Variants in CLEC2A observed in about 807,000 individuals in gnomAD.
The protein encoded by CLEC2A is keratinocyte-associated C-type lectin.
Under a neutral mutation model 18.6 loss-of-function variants are expected in CLEC2A, and 19 were observed. The observed-to-expected ratio is 1.02, with a 90% CI of 0.71 to 1.50. The LOEUF is 1.50. CLEC2A is among the 40% of genes most tolerant of loss of function. The probability of loss-of-function intolerance (pLI) is 0.00; values close to 1 mark genes in which losing one functional copy is unlikely to be tolerated. For synonymous variants in CLEC2A, 74 were observed against 64.0 expected (o/e 1.16, Z -0.75); for missense variants, 190 against 207.9 (o/e 0.91, Z 0.53).
intron 1 of CLEC2A, among the ~76,000 whole-genome samples, chr12:9,930,740 T>TTC (rs1336731947): frequency 1.3e-5 from 2 of 152,024 alleles, no homozygotes; most frequent in East Asian, 1.9e-4. Flanking sequence ...TATTCTTTTT[T>TTC]TCTCTCTCTC....
Position 9,913,501 on chromosome 12 carries a change from C to A in CLEC2A, c.*65G>T. 1 of 1,502,394 alleles carries A rather than the reference C, an allele frequency of 6.7e-7. No individual in the cohort carries two copies. The highest frequency in any genetic ancestry group is 8.8e-7 in the Non-Finnish European group (1 of 1,131,592). 93.1% of individuals were successfully genotyped at this position (1,502,394 alleles called of 1,614,324 possible). ...TGTAACAGAATAAGTGAGAAAGCCA[C>A]TTTTGCATAATTAGCTCTTCTTTCA... On this transcript the variant is annotated 3_prime_UTR_variant, in exon 5 of 5. Coordinates refer to ENST00000455827, the MANE Select transcript of CLEC2A (RefSeq NM_001130711.2).
At chr12:9,878,842 C>T in the CLEC2A span, among the ~76,000 whole-genome samples, 1 of 152,128 alleles carries the variant, frequency 6.6e-6, no homozygotes, top group African/African-American at 2.4e-5. Flanking sequence ...CAGCCTCCTC[C>T]AGGCTTTGAT....
chr12:9,892,940 A>T, the CLEC2A span: 19 of 1,174,794 alleles, frequency 1.6e-5, no homozygotes, highest in Non-Finnish European at 2.2e-5. Context: ...TCTATTTTCC[A>T]AGTAGTCACA....
intron 4 of CLEC2A, chr12:9,899,020 T>C (rs1174478891): frequency 2.9e-6 from 2 of 698,424 alleles, no homozygotes; most frequent in Non-Finnish European, 2.6e-6. Flanking sequence ...AAAACATATA[T>C]CAAAACGAAA....
intron 1 of CLEC2A, among the ~76,000 whole-genome samples, chr12:9,931,391 A>G (rs1863373044): frequency 6.6e-6 from 1 of 152,198 alleles, no homozygotes; most frequent in African/African-American, 2.4e-5. Flanking sequence ...CCTTACCCTA[A>G]AGAAACTTCT....
At chr12:9,887,586 C>T in the CLEC2A span, among the ~76,000 whole-genome samples, 1 of 151,932 alleles carries the variant, frequency 6.6e-6, no homozygotes. Flanking sequence ...TGAAGCTAGC[C>T]CAAGAATATA....
Position 9,922,342 on chromosome 12 carries a change from T to A in CLEC2A, c.140-110A>T. On this transcript the variant is annotated intron_variant, in intron 2 of 4. Coordinates refer to ENST00000455827, the MANE Select transcript of CLEC2A (RefSeq NM_001130711.2). ...GCTTCCACAGTTTGAGGCCCGTAAGTTAGCTTCCCCCCTCCCCAGAATGAG... is the reference window on the plus strand; with the variant it reads ...GCTTCCACAGTTTGAGGCCCGTAAGATAGCTTCCCCCCTCCCCAGAATGAG... The A allele has an allele frequency of 3.9e-6, 3 of 771,436 alleles. No individual in the cohort carries two copies. The Admixed American group carries it at 1.1e-4, about 28-fold the overall frequency. 47.8% of individuals were successfully genotyped at this position (771,436 alleles called of 1,614,324 possible). A position where few individuals can be genotyped will look rare whatever the true frequency, so the allele number is the denominator to read the frequency against.
At chr12:9,905,919 C>T (rs112955911) in intron 4 of CLEC2A, among the ~76,000 whole-genome samples, 229 of 152,130 alleles carry the variant, frequency 1.5e-3, no homozygotes, top group African/African-American at 5.3e-3. Flanking sequence ...TTCAGGCAAC[C>T]GATTGGAGAC....
At chr12:9,885,357 C>A in the CLEC2A span, among the ~76,000 whole-genome samples, 1 of 151,014 alleles carries the variant, frequency 6.6e-6, no homozygotes, top group South Asian at 2.1e-4. Flanking sequence ...ATATTAAGAC[C>A]CATCTGAAAA....
At chr12:9,919,098 C>T (rs923279475) in intron 3 of CLEC2A, among the ~76,000 whole-genome samples, 2 of 152,158 alleles carry the variant, frequency 1.3e-5, no homozygotes, top group African/African-American at 4.8e-5. Flanking sequence ...TCTCAATGTT[C>T]TGAAAATGTG....
At chr12:9,919,486 G>T (rs954914020) in intron 3 of CLEC2A, among the ~76,000 whole-genome samples, 1 of 152,226 alleles carries the variant, frequency 6.6e-6, no homozygotes, top group African/African-American at 2.4e-5. Flanking sequence ...TCCTTCATTA[G>T]TCTGAGGGCA....
At chr12:9,905,821 T>C (rs1862899097) in intron 4 of CLEC2A, among the ~76,000 whole-genome samples, 1 of 152,196 alleles carries the variant, frequency 6.6e-6, no homozygotes, top group African/African-American at 2.4e-5. Flanking sequence ...TTTCAGTTAA[T>C]GCCTTAACTA....
intron 4 of CLEC2A, among the ~76,000 whole-genome samples, chr12:9,899,459 G>A (rs998469373): frequency 1.3e-5 from 2 of 152,202 alleles, no homozygotes; most frequent in Non-Finnish European, 2.9e-5. Flanking sequence ...AAGGGGCACA[G>A]ACTGAAGTTG....
the CLEC2A span, among the ~76,000 whole-genome samples, chr12:9,886,670 T>A: frequency 0.029 from 4,299 of 149,928 alleles, 81 homozygotes; most frequent in Middle Eastern, 0.041. Flanking sequence ...GCAAACTAAT[T>A]AAGTGAAAGA....
chr12:9,911,008 T>C (rs74063394), downstream of CLEC2A, among the ~76,000 whole-genome samples: 918 of 152,328 alleles, frequency 6.0e-3, 8 homozygotes, highest in African/African-American at 0.021. Context: ...GGGTGCTGCC[T>C]GCATCAGCCA....
rs1405830085 is a variant in CLEC2A, at chr12:9,898,693, A to G, written c.*211T>C. 6.3e-6 allele frequency: 3 copies of G among 478,728 alleles called. No individual in the cohort carries two copies. In the Admixed American group the frequency reaches 9.4e-5, roughly 15 times the overall value. The allele number at this position is 478,728 out of a possible 1,614,324, so 29.7% of individuals were successfully genotyped here. ...TCCTTCAAGAAGTTTTCTGTAGTTT[A>G]TTCTACATTATCAAAATTTATAGCC... On this transcript the variant is annotated 3_prime_UTR_variant, in exon 5 of 5. Coordinates refer to the CLEC2A transcript ENST00000339766.
chr12:9,891,506 A>G, the CLEC2A span, among the ~76,000 whole-genome samples: 2 of 152,212 alleles, frequency 1.3e-5, no homozygotes, highest in African/African-American at 4.8e-5. Flanking sequence ...TCTACATAAT[A>G]AAATTATTTC....
At chr12:9,892,903 C>CG in the CLEC2A span, 1 of 775,316 alleles carries the variant, frequency 1.3e-6, no homozygotes, top group Middle Eastern at 4.0e-4. Context: ...TTTTATTGAC[C>CG]AAAAAAAAAA....
intron 1 of CLEC2A, among the ~76,000 whole-genome samples, chr12:9,932,063 A>C (rs1385810663): frequency 1.3e-5 from 2 of 152,228 alleles, no homozygotes; most frequent in Non-Finnish European, 2.9e-5. Flanking sequence ...ATTCTGCCCC[A>C]AAACCTTCTT....
Sources: gnomAD v4.1 joint callset for allele counts (sites outside exome capture counted in the v4.1 genomes callset) on GRCh38, gnomAD v4.1.1 for gene constraint, MANE v1.5 for transcripts, NCBI Gene and HGNC (gene_info 2026-07-23, HGNC 2026-07-21) for gene names.